Variants in CEP112 observed in about 807,000 individuals in gnomAD.
CEP112 encodes centrosomal protein 112, also known as centrosomal protein of 112 kDa.
Under a neutral mutation model 153.0 loss-of-function variants are expected in CEP112, and 127 were observed. That is an observed-to-expected ratio of 0.83 (90% CI 0.72 to 0.96). The LOEUF (loss-of-function observed/expected upper bound fraction) is 0.96, where lower values mean the gene tolerates loss of function less well. Among genes scored for constraint, CEP112 ranks in the 40% least tolerant of loss-of-function variants. CEP112 has a pLI of 0.00. For synonymous variants in CEP112, 358 were observed against 374.4 expected (o/e 0.96, Z 0.51); for missense variants, 1,089 against 1,101.2 (o/e 0.99, Z 0.16).
intron 2 of CEP112, among the ~76,000 whole-genome samples, chr17:66,180,310 A>G (rs1431382765): frequency 7.0e-6 from 1 of 142,510 alleles, no homozygotes; most frequent in African/African-American, 2.6e-5. Flanking sequence ...TGAAGCCATC[A>G]GGTCCAGGGC....
chr17:65,892,109 C>T (rs547574686), intron 20 of CEP112, among the ~76,000 whole-genome samples: 2 of 152,296 alleles, frequency 1.3e-5, no homozygotes, highest in South Asian at 2.1e-4. Flanking sequence ...AATACCCTTA[C>T]GGCCATATAG....
intron 19 of CEP112, among the ~76,000 whole-genome samples, chr17:65,912,402 C>T (rs527280359): frequency 2.0e-5 from 3 of 152,234 alleles, no homozygotes; most frequent in Non-Finnish European, 2.9e-5. Flanking sequence ...CTGTCGGCCC[C>T]GGAATACAGA....
chr17:66,067,387 T>C (rs980664289), intron 9 of CEP112, among the ~76,000 whole-genome samples: 3 of 152,248 alleles, frequency 2.0e-5, no homozygotes, highest in African/African-American at 7.2e-5. Context: ...GGATTCTTTT[T>C]CTCAGATTAG....
rs916684171 is a variant in CEP112, at chr17:65,683,966, G to A, written c.2697+5163C>T. 3.9e-5 allele frequency among the ~76,000 whole-genome samples: 6 copies of A among 152,236 alleles called. No homozygotes were observed. The South Asian group carries it at 6.2e-4, about 16-fold the overall frequency. On this transcript the variant is annotated intron_variant, in intron 24 of 26. Transcript: ENST00000535342. ...TGAGGCAGGTGAATCACTTGAACCC[G>A]GGAAGCAGAGGTTGCAGTGAGCCAA...
chr17:65,928,717 A>C (rs940042191), intron 18 of CEP112, among the ~76,000 whole-genome samples: 1 of 152,104 alleles, frequency 6.6e-6, no homozygotes, highest in Non-Finnish European at 1.5e-5. Flanking sequence ...AAAAAAAATT[A>C]GCCGAGCGTG....
intron 8 of CEP112, among the ~76,000 whole-genome samples, chr17:66,070,247 G>A (rs1308699508): frequency 6.6e-6 from 1 of 152,038 alleles, no homozygotes; most frequent in African/African-American, 2.4e-5. Context: ...ACAATATGAA[G>A]TACAGATTCA....
intron 24 of CEP112, among the ~76,000 whole-genome samples, chr17:65,652,834 T>C (rs374952501): frequency 2.0e-4 from 31 of 152,326 alleles, no homozygotes; most frequent in African/African-American, 7.0e-4. Flanking sequence ...TGGGCTGCTA[T>C]AACAAATACC....
chr17:66,159,380 T>C (rs1238215363), intron 4 of CEP112, among the ~76,000 whole-genome samples: 1 of 152,142 alleles, frequency 6.6e-6, no homozygotes, highest in Admixed American at 6.5e-5. Flanking sequence ...TACCAAAACC[T>C]GGCAGAGACA....
intron 8 of CEP112, among the ~76,000 whole-genome samples, chr17:66,083,452 T>C (rs576164701): frequency 6.6e-6 from 1 of 152,336 alleles, no homozygotes; most frequent in South Asian, 2.1e-4. Context: ...AGATAAACTC[T>C]ATAATCTGTA....
In CEP112 at chr17:66,034,974, A is replaced by ATGTGTGTGTGTGTG. The variant is rs1568411223; in HGVS notation, c.1219-4952_1219-4951insCACACACACACACA. Among the ~76,000 whole-genome samples, 6 of 36,590 alleles carry ATGTGTGTGTGTGTG rather than the reference A, an allele frequency of 1.6e-4. 1 individual carries two copies. Among genetic ancestry groups the ATGTGTGTGTGTGTG allele is most frequent in the South Asian group, 9.1e-4 (1 of 1,100 alleles). 24.0% of individuals were successfully genotyped at this position (36,590 alleles called of 152,430 possible). On this transcript the variant is annotated intron_variant, in intron 12 of 26. Transcript: ENST00000535342. ...CCACCATGCCCAGCTAAGTTTTTGC[A>ATGTGTGTGTGTGTG]TGTATATATATATATATACATATAT...
chr17:65,965,480 A>G (rs2062374524), intron 17 of CEP112, among the ~76,000 whole-genome samples: 2 of 151,496 alleles, frequency 1.3e-5, no homozygotes, highest in Admixed American at 6.6e-5. Flanking sequence ...CATAATGAAT[A>G]CATTGAGCTC....
chr17:65,971,285 A>G (rs548616584), intron 17 of CEP112, among the ~76,000 whole-genome samples: 50 of 152,348 alleles, frequency 3.3e-4, no homozygotes, highest in African/African-American at 1.1e-3. Context: ...GCACATGCAC[A>G]TAACAAATAT....
At chr17:65,875,727 C>T (rs1297339668) in intron 20 of CEP112, among the ~76,000 whole-genome samples, 4 of 152,112 alleles carry the variant, frequency 2.6e-5, no homozygotes, top group Non-Finnish European at 5.9e-5. Flanking sequence ...TTAGTACTGC[C>T]TAAACTTCAT....
Position 66,125,562 on chromosome 17 carries a change from G to GA in CEP112, c.642+4183dup, listed in dbSNP as rs201314556. ...AAATGGGCAGGTTTCTAACCTACAT[G>GA]AAAAAAAAAGCATGAAATTGCCTAA... On this transcript the variant is annotated intron_variant, in intron 6 of 26. Coordinates refer to ENST00000535342, the MANE Select transcript of CEP112 (RefSeq NM_001199165.4). Among the ~76,000 whole-genome samples the GA allele has an allele frequency of 2.1e-3, 323 of 150,238 alleles. 1 individual carries two copies. Among genetic ancestry groups the GA allele is most frequent in the African/African-American group, 7.7e-3 (316 of 40,958 alleles).
chr17:66,123,913 T>C (rs2069718477), intron 6 of CEP112, among the ~76,000 whole-genome samples: 1 of 152,246 alleles, frequency 6.6e-6, no homozygotes, highest in African/African-American at 2.4e-5. Context: ...ATTATAATTA[T>C]ATTGTAAGGT....
chr17:66,172,172 C>T (rs186299250), intron 4 of CEP112, among the ~76,000 whole-genome samples: 11 of 152,314 alleles, frequency 7.2e-5, no homozygotes, highest in Middle Eastern at 6.8e-3. Context: ...GAATTCCTAA[C>T]ACGTTCCTTC....
Position 65,637,106 on chromosome 17 carries a change from C to G in CEP112, c.2864+18G>C, listed in dbSNP as rs773338877. ...CACAAACTAATCAGGAGACAAGACA[C>G]CTGCTTATGGGCTGTACCTTCTGCC... is the stretch of plus-strand genomic sequence containing the variant. On this transcript the variant is annotated intron_variant, in intron 26 of 26. Transcript: ENST00000535342. 1 of 1,605,302 alleles carries G rather than the reference C, an allele frequency of 6.2e-7. No individual in the cohort carries two copies. The highest frequency in any genetic ancestry group is 8.5e-7 in the Non-Finnish European group (1 of 1,172,204).
chr17:66,026,767 C>A (rs1301627340), intron 16 of CEP112, among the ~76,000 whole-genome samples: 1 of 152,120 alleles, frequency 6.6e-6, no homozygotes, highest in Non-Finnish European at 1.5e-5. Flanking sequence ...TTATATAGTA[C>A]CTAATCCAAT....
At chr17:66,182,958 G>A (rs2072777808) in intron 2 of CEP112, among the ~76,000 whole-genome samples, 1 of 152,142 alleles carries the variant, frequency 6.6e-6, no homozygotes, top group Non-Finnish European at 1.5e-5. Flanking sequence ...TGTGCTATAA[G>A]TTCATGACAT....
Sources: gnomAD v4.1 joint callset for allele counts (sites outside exome capture counted in the v4.1 genomes callset) on GRCh38, gnomAD v4.1.1 for gene constraint, MANE v1.5 for transcripts, NCBI Gene and HGNC (gene_info 2026-07-23, HGNC 2026-07-21) for gene names.